BRINP3: variants seen among roughly 807,000 people sequenced by gnomAD.
BRINP3 encodes the protein BMP/retinoic acid-inducible neural-specific protein 3.
A neutral mutation model predicts 71.0 loss-of-function variants in BRINP3; 19 were observed. The observed-to-expected ratio is 0.27, with a 90% CI of 0.19 to 0.39. BRINP3 has a LOEUF of 0.39. Among genes scored for constraint, BRINP3 ranks in the 10% least tolerant of loss-of-function variants. BRINP3 has a pLI of 1.00. For missense variants in BRINP3, 959 were observed against 940.8 expected (o/e 1.02, Z -0.25); for synonymous variants, 380 against 337.7 (o/e 1.13, Z -1.37).
chr1:190,430,127 T>G (rs955897243), intron 2 of BRINP3, among the ~76,000 whole-genome samples: 4 of 152,172 alleles, frequency 2.6e-5, no homozygotes, highest in African/African-American at 9.6e-5. Flanking sequence ...ACGTCAGCAT[T>G]AATCACAAAA....
intron 7 of BRINP3, among the ~76,000 whole-genome samples, chr1:190,159,168 A>T (rs1657127118): frequency 6.6e-6 from 1 of 152,226 alleles, no homozygotes; most frequent in African/African-American, 2.4e-5. Flanking sequence ...AAACCAAAAG[A>T]TATTATTTCA....
chr1:190,265,561 T>TATAA (rs1024610590), intron 3 of BRINP3, among the ~76,000 whole-genome samples: 2 of 141,688 alleles, frequency 1.4e-5, no homozygotes, highest in Non-Finnish European at 3.0e-5. Flanking sequence ...TATATATATA[T>TATAA]AAATTAGCCG....
intron 4 of BRINP3, among the ~76,000 whole-genome samples, chr1:190,237,318 T>C (rs1475127736): frequency 2.0e-5 from 3 of 151,782 alleles, no homozygotes; most frequent in African/African-American, 7.2e-5. Flanking sequence ...TTGTATTCCA[T>C]TTAAGGCCTC....
chr1:190,351,128 T>G (rs537432750), intron 2 of BRINP3, among the ~76,000 whole-genome samples: 7 of 152,236 alleles, frequency 4.6e-5, no homozygotes, highest in Admixed American at 4.6e-4. Flanking sequence ...TTTTGGTATT[T>G]TAGTTTTTCC....
At chr1:190,405,880 T>TA (rs1672251050) in intron 2 of BRINP3, among the ~76,000 whole-genome samples, 1 of 152,192 alleles carries the variant, frequency 6.6e-6, no homozygotes, top group Admixed American at 6.5e-5. Context: ...GACTGAAGAT[T>TA]AGTCAGCCAC....
At chr1:190,324,620 G>A (rs952407987) in intron 2 of BRINP3, among the ~76,000 whole-genome samples, 2 of 151,676 alleles carry the variant, frequency 1.3e-5, no homozygotes, top group African/African-American at 2.4e-5. Context: ...TTATTTTGGG[G>A]AAAATTATTT....
At chr1:190,461,391 C>G (rs192305326) in intron 1 of BRINP3, among the ~76,000 whole-genome samples, 3 of 152,258 alleles carry the variant, frequency 2.0e-5, no homozygotes, top group Admixed American at 2.0e-4. Context: ...TCATTTCATT[C>G]ACAAGGATTT....
intron 2 of BRINP3, among the ~76,000 whole-genome samples, chr1:190,284,667 C>T (rs1243232715): frequency 1.3e-5 from 2 of 152,060 alleles, no homozygotes; most frequent in East Asian, 1.9e-4. Context: ...TTTTTACTCA[C>T]TCAATATGTT....
At chr1:190,459,604 A>G (rs1181965980) in intron 1 of BRINP3, among the ~76,000 whole-genome samples, 2 of 152,010 alleles carry the variant, frequency 1.3e-5, no homozygotes, top group African/African-American at 2.4e-5. Context: ...CTTATTATCC[A>G]CAACTGAATT....
intron 2 of BRINP3, among the ~76,000 whole-genome samples, chr1:190,326,064 G>C (rs1164962522): frequency 1.3e-5 from 2 of 151,952 alleles, no homozygotes; most frequent in African/African-American, 4.8e-5. Context: ...GGAAATTAAG[G>C]AAGGTCTAAA....
At position 190,154,960 on chromosome 1, in the gene BRINP3, G is replaced by A. The variant is rs573936917; in HGVS notation, c.1184+5708C>T. On this transcript the variant is annotated intron_variant, in intron 7 of 7. Coordinates refer to ENST00000367462, the MANE Select transcript of BRINP3 (RefSeq NM_199051.3). ...AGGACAAACAACTGATTTATTTAAC[G>A]GCAATGATAACAATAAAGCATTCAA... Among the ~76,000 whole-genome samples, 17 of 152,084 alleles carry A rather than the reference G, an allele frequency of 1.1e-4. No homozygotes were observed. The South Asian group carries it at 2.1e-3, about 19-fold the overall frequency.
rs538760614 is a variant in BRINP3 at position 190,240,190 on chromosome 1, T to C, written c.619-5713A>G. ...CTAGAATGAAAAAAATAGTTTTTTC[T>C]TGTAAGTTCACATCTAAATAGCAAT... On this transcript the variant is annotated intron_variant, in intron 4 of 7. Transcript: ENST00000367462. Among the ~76,000 whole-genome samples the C allele has an allele frequency of 2.0e-5, 3 of 152,126 alleles. No homozygotes were observed. The South Asian group carries it at 6.2e-4, about 32-fold the overall frequency.
At chr1:190,104,019 A>G (rs1042394964) in intron 7 of BRINP3, among the ~76,000 whole-genome samples, 2 of 151,870 alleles carry the variant, frequency 1.3e-5, no homozygotes, top group Non-Finnish European at 2.9e-5. Context: ...TTACATATCT[A>G]TTAAGCATTA....
intron 1 of BRINP3, among the ~76,000 whole-genome samples, chr1:190,469,684 C>A (rs1470130570): frequency 6.6e-6 from 1 of 150,910 alleles, no homozygotes; most frequent in East Asian, 1.9e-4. Context: ...TTATCTATCC[C>A]AGGAACTTCC....
intron 2 of BRINP3, among the ~76,000 whole-genome samples, chr1:190,327,576 A>G (rs1368873432): frequency 1.3e-5 from 2 of 151,860 alleles, no homozygotes; most frequent in Admixed American, 6.6e-5. Context: ...GAAAAAATAT[A>G]AAGAATTCAA....
At chr1:190,259,700 A>G (rs1661003569) in intron 4 of BRINP3, among the ~76,000 whole-genome samples, 1 of 151,952 alleles carries the variant, frequency 6.6e-6, no homozygotes, top group South Asian at 2.1e-4. Context: ...AAGAAGTACA[A>G]TTGTCTCTGT....
intron 6 of BRINP3, among the ~76,000 whole-genome samples, chr1:190,224,662 G>A (rs141688615): frequency 3.5e-4 from 53 of 151,976 alleles, no homozygotes; most frequent in African/African-American, 1.3e-3. Context: ...AAAAGCCTCT[G>A]TACAGTAAAC....
At chr1:190,467,111 C>A (rs1157325941) in intron 1 of BRINP3, among the ~76,000 whole-genome samples, 2 of 151,458 alleles carry the variant, frequency 1.3e-5, no homozygotes, top group Non-Finnish European at 3.0e-5. Context: ...ATTGACTTTT[C>A]TCTATAATGA....
intron 2 of BRINP3, among the ~76,000 whole-genome samples, chr1:190,318,923 G>A (rs1015263504): frequency 4.6e-5 from 7 of 151,632 alleles, no homozygotes; most frequent in Middle Eastern, 3.4e-3. Flanking sequence ...TATTTTGTTC[G>A]GATGTAGATC....
Sources: allele counts gnomAD v4.1 joint callset (sites outside exome capture counted in the v4.1 genomes callset), GRCh38; gene constraint gnomAD v4.1.1; transcripts MANE v1.5; gene names NCBI Gene and HGNC (gene_info 2026-07-23, HGNC 2026-07-21).